OSBPL2: variants seen among roughly 807,000 people sequenced by gnomAD.
The protein encoded by OSBPL2 is oxysterol binding protein like 2, also known as oxysterol-binding protein-related protein 2.
OSBPL2 carries 18 observed loss-of-function variants against 58.4 expected under a neutral mutation model. That is an observed-to-expected ratio of 0.31 (90% CI 0.21 to 0.46). The LOEUF is 0.46. Ranked by LOEUF, OSBPL2 falls within the 20% of genes least tolerant of loss-of-function variation. OSBPL2 has a pLI of 1.00. For missense variants in OSBPL2, 461 were observed against 616.5 expected, an observed-to-expected ratio of 0.75 and a Z score of 2.67; for synonymous variants, 221 against 234.1, an observed-to-expected ratio of 0.94 and a Z score of 0.51.
rs200689710 is a variant in OSBPL2 at position 62,281,741 on chromosome 20, C to T, written c.783-49C>T. ...TCTCCTGTTACAGAGTTACCCTTTCCGGCTGTTTGCTGTCTTGCAGCAGAA... is the reference window on the plus strand; with the variant it reads ...TCTCCTGTTACAGAGTTACCCTTTCTGGCTGTTTGCTGTCTTGCAGCAGAA... On this transcript the variant is annotated intron_variant, in intron 8 of 13. Transcript: ENST00000313733. 1.8e-4 allele frequency: 250 copies of T among 1,418,762 alleles called. No homozygotes were observed. The East Asian group carries it at 2.7e-3, about 15-fold the overall frequency. 87.9% of individuals were successfully genotyped at this position (1,418,762 alleles called of 1,614,324 possible).
rs116828071 is a variant in OSBPL2 at position 62,286,731 on chromosome 20, C to T, written c.1125+20C>T. The stretch of plus-strand genomic sequence containing the variant: ...GCCCAGGTCTGTGTCCCTCCATGGC[C>T]TGACGTCTCTGCCTGCTCATGTCAC... On this transcript the variant is annotated intron_variant, in intron 11 of 13. Transcript: ENST00000313733. 2.0e-3 allele frequency: 3,165 copies of T among 1,599,040 alleles called. 70 individuals are homozygous for T. The African/African-American group carries it at 0.038, about 19-fold the overall frequency.
intron 7 of OSBPL2, among the ~76,000 whole-genome samples, chr20:62,280,554 T>C (rs1014699334): frequency 7.9e-5 from 12 of 152,226 alleles, no homozygotes; most frequent in Admixed American, 7.2e-4. Context: ...CCTTAGAACA[T>C]AGGGCTGCTG....
intron 8 of OSBPL2, 131 bp from the exon 9 acceptor site, chr20:62,281,659 G>C: frequency 1.6e-6 from 1 of 637,934 alleles, no homozygotes. Flanking sequence ...CGCCCCAAAG[G>C]CCCACCACAC....
At chr20:62,264,630 C>T (rs944225705) in intron 4 of OSBPL2, 1 of 152,066 alleles carries the variant, frequency 6.6e-6, no homozygotes, top group African/African-American at 2.4e-5. Context: ...TAATTTTAGA[C>T]TTACGGAAAA....
chr20:62,250,483 C>T (rs1361261679), intron 1 of OSBPL2, among the ~76,000 whole-genome samples: 3 of 152,236 alleles, frequency 2.0e-5, no homozygotes, highest in Non-Finnish European at 4.4e-5. Context: ...GGCACAAACA[C>T]ACAGTAGCAG....
At chr20:62,245,383 G>A (rs1254300926) in intron 1 of OSBPL2, among the ~76,000 whole-genome samples, 1 of 152,214 alleles carries the variant, frequency 6.6e-6, no homozygotes, top group African/African-American at 2.4e-5. Context: ...GTGAGCCACC[G>A]CGCCCGGCCT....
intron 10 of OSBPL2, chr20:62,286,166 A>C: frequency 5.7e-6 from 1 of 174,538 alleles, no homozygotes; most frequent in African/African-American, 2.4e-5. Context: ...AAGAAAAAAA[A>C]GGCCGGGTGT....
At position 62,288,409 on chromosome 20, in the gene OSBPL2, G is replaced by GGGTGCAGAGGCTGGGAGGCTA. The variant is rs1568853092; in HGVS notation, c.1126-798_1126-797insGGTGCAGAGGCTGGGAGGCTA. The stretch of plus-strand genomic sequence containing the variant: ...CTGTGGGTGCAGAGGCTGGGAGGCT[G>GGGTGCAGAGGCTGGGAGGCTA]TGGGTGCAGAGGCTGGGAGGCTATG... On this transcript the variant is annotated intron_variant, in intron 11 of 13. Transcript: ENST00000313733. This position sits in a 1 kb window ranked among gnomAD's most constrained non-coding sequence, Gnocchi z 4.8. 2.1e-5 allele frequency among the ~76,000 whole-genome samples: 3 copies of GGGTGCAGAGGCTGGGAGGCTA among 144,970 alleles called. No homozygotes were observed. Among genetic ancestry groups the GGGTGCAGAGGCTGGGAGGCTA allele is most frequent in the Non-Finnish European group, 4.7e-5 (3 of 63,822 alleles).
rs1273223005 is a variant in OSBPL2 at position 62,273,415 on chromosome 20, GGA to G, written c.491+10_491+11del. 3.2e-6 allele frequency: 5 copies of G among 1,569,094 alleles called. No individual in the cohort carries two copies. Among genetic ancestry groups the G allele is most frequent in the Non-Finnish European group, 4.4e-6 (5 of 1,149,234 alleles). On this transcript the variant is annotated intron_variant, in intron 6 of 13. Coordinates refer to ENST00000313733, the MANE Select transcript of OSBPL2 (RefSeq NM_144498.4). ...ACGTATGAATTAATCAGGTAAGGGG[GGA>G]AAGGCCCATCATAAATATCTTGTAA...
At position 62,283,135 on chromosome 20, in the gene OSBPL2, A is replaced by C. The variant is rs117735764; in HGVS notation, c.873-911A>C. ...GACCCTCAGTGAGTGCATGTAAAAC[A>C]TGTTTTTCCAGAACCGGGCAGGGAC... On this transcript the variant is annotated intron_variant, in intron 9 of 13. Transcript: ENST00000313733. Among the ~76,000 whole-genome samples the C allele has an allele frequency of 8.0e-3, 1,220 of 152,104 alleles. 12 individuals carry two copies. The highest frequency in any genetic ancestry group is 0.042 in the South Asian group (202 of 4,826).
In OSBPL2 at chr20:62,269,734, G is replaced by A. The variant is rs1211860803; in HGVS notation, c.259-2391G>A. ...TGTCTGCTTTTCTGCTCATTCTTTC[G>A]GGGCTTCCTTCTTTCTCTGCCACGT... On this transcript the variant is annotated intron_variant, in intron 4 of 13. Coordinates refer to ENST00000313733, the MANE Select transcript of OSBPL2 (RefSeq NM_144498.4). The surrounding 1 kb of genome is among the most constrained non-coding windows in gnomAD (Gnocchi z 4.2). Among the ~76,000 whole-genome samples, 1 of 152,162 alleles carries A rather than the reference G, an allele frequency of 6.6e-6. No individual in the cohort carries two copies. Among genetic ancestry groups the A allele is most frequent in the Non-Finnish European group, 1.5e-5 (1 of 68,036 alleles).
At chr20:62,249,792 C>G (rs1980400691) in intron 1 of OSBPL2, among the ~76,000 whole-genome samples, 1 of 152,052 alleles carries the variant, frequency 6.6e-6, no homozygotes, top group South Asian at 2.1e-4. Context: ...TCAGGCTGGT[C>G]TGAACTCCCG....
intron 11 of OSBPL2, 49 bp from the exon 12 acceptor site, chr20:62,289,158 A>G (rs747126823): frequency 6.2e-7 from 1 of 1,604,376 alleles, no homozygotes; most frequent in Admixed American, 1.7e-5. Flanking sequence ...AGCATAGTCC[A>G]TGGTTCAGAG....
At chr20:62,242,716 A>T (rs1310810255) in intron 1 of OSBPL2, 3 of 152,372 alleles carry the variant, frequency 2.0e-5, no homozygotes, top group African/African-American at 2.4e-5. Flanking sequence ...CCCGACGCTG[A>T]GGCAAGTCAG....
At chr20:62,273,209 T>C in intron 5 of OSBPL2, 100 bp from the exon 6 acceptor site, 3 of 873,780 alleles carry the variant, frequency 3.4e-6, no homozygotes, top group East Asian at 2.6e-5. Flanking sequence ...GAACAAATAG[T>C]GACAGAAACC....
At chr20:62,274,698 G>A (rs1028554617) in intron 6 of OSBPL2, among the ~76,000 whole-genome samples, 1 of 152,186 alleles carries the variant, frequency 6.6e-6, no homozygotes, top group Non-Finnish European at 1.5e-5. Context: ...CACAGAGCTC[G>A]CTCCGCCTGC....
Position 62,273,344 on chromosome 20 carries a change from C to A in OSBPL2, c.429C>A (p.Ser143=). The change falls in exon 6 of 14, where the codon TCC becomes TCA. Residue 143 remains serine (S), a synonymous_variant. Coordinates refer to ENST00000313733, the MANE Select transcript of OSBPL2 (RefSeq NM_144498.4). ...VAAFAVSAVA[S]QWERTGKPFN... is the part of the protein sequence containing the mutation. ...CTTTTGCTGTTTCGGCTGTGGCTTC[C>A]CAGTGGGAGAGGACCGGCAAACCAT... 2 of 1,605,552 alleles carry A rather than the reference C, an allele frequency of 1.2e-6. No individual in the cohort carries two copies. Among genetic ancestry groups the A allele is most frequent in the Non-Finnish European group, 1.7e-6 (2 of 1,177,432 alleles).
chr20:62,248,818 G>A (rs1427008600), intron 1 of OSBPL2, among the ~76,000 whole-genome samples: 4 of 152,142 alleles, frequency 2.6e-5, no homozygotes, highest in Non-Finnish European at 4.4e-5. Flanking sequence ...AGTCTCCTAA[G>A]TAGCTGGGAC....
chr20:62,257,428 C>G (rs1980999744), intron 2 of OSBPL2, among the ~76,000 whole-genome samples: 1 of 152,212 alleles, frequency 6.6e-6, no homozygotes, highest in African/African-American at 2.4e-5. Flanking sequence ...AAGTCATTTT[C>G]CATGATTTCG....
Sources: allele counts gnomAD v4.1 joint callset (sites outside exome capture counted in the v4.1 genomes callset), GRCh38; gene constraint gnomAD v4.1.1; non-coding constraint Gnocchi (gnomAD v3.1); transcripts MANE v1.5; gene names NCBI Gene and HGNC (gene_info 2026-07-23, HGNC 2026-07-21).